Variants in CDA observed in about 807,000 individuals in gnomAD.
The protein encoded by CDA is cytidine deaminase.
A neutral mutation model predicts 15.0 loss-of-function variants in CDA; 7 were observed. That is an observed-to-expected ratio of 0.47 (90% CI 0.26 to 0.87). CDA has a LOEUF of 0.87. Ranked by LOEUF, CDA falls within the 40% of genes least tolerant of loss-of-function variation. The pLI is 0.15. For synonymous variants in CDA, 58 were observed against 73.0 expected, an observed-to-expected ratio of 0.79 and a Z score of 1.05; for missense variants, 159 against 182.7, an observed-to-expected ratio of 0.87 and a Z score of 0.75.
chr1:20,595,791 G>T (rs550805568), intron 1 of CDA, among the ~76,000 whole-genome samples: 1 of 141,486 alleles, frequency 7.1e-6, no homozygotes, highest in Non-Finnish European at 1.5e-5. Flanking sequence ...AATGAGCCGT[G>T]AGCACGCCAC....
At chr1:20,596,410 G>A (rs2052591931) in intron 1 of CDA, among the ~76,000 whole-genome samples, 1 of 152,050 alleles carries the variant, frequency 6.6e-6, no homozygotes, top group Non-Finnish European at 1.5e-5. Flanking sequence ...ACCCAGCCCA[G>A]ACCTATTGAA....
At chr1:20,616,693 C>T (rs1183993317) in intron 3 of CDA, among the ~76,000 whole-genome samples, 1 of 152,096 alleles carries the variant, frequency 6.6e-6, no homozygotes, top group African/African-American at 2.4e-5. Flanking sequence ...CTGAAGGAGG[C>T]AGGGGGGAAA....
chr1:20,599,616 C>CTAAAA (rs2052621519), intron 1 of CDA, among the ~76,000 whole-genome samples: 1 of 17,472 alleles, frequency 5.7e-5, no homozygotes, highest in Non-Finnish European at 1.3e-4. Context: ...GACTCCGTCT[C>CTAAAA]CAAAATAAAA....
chr1:20,599,693 G>T (rs2154532238), intron 1 of CDA, among the ~76,000 whole-genome samples: 1 of 109,854 alleles, frequency 9.1e-6, no homozygotes, highest in South Asian at 2.9e-4. Context: ...CAAAGTGCCT[G>T]AAGGACAGGG....
At chr1:20,612,727 G>T (rs1475246954) in intron 2 of CDA, among the ~76,000 whole-genome samples, 1 of 152,030 alleles carries the variant, frequency 6.6e-6, no homozygotes, top group Non-Finnish European at 1.5e-5. Flanking sequence ...GGCGGATCAT[G>T]AGGTCAGGAG....
chr1:20,604,919 T>C lies in CDA; in HGVS notation c.155-9T>C, dbSNP rs2052680520. On this transcript the variant is annotated splice_polypyrimidine_tract_variant and intron_variant, in intron 1 of 3. Transcript: ENST00000375071. ...CCAGACATACCACTGGACTCTGCTC[T>C]CTTCTCAGGGTGCAACATAGAAAAT... 1 of 1,586,342 alleles carries C rather than the reference T, an allele frequency of 6.3e-7. No homozygotes were observed. The highest frequency in any genetic ancestry group is 8.6e-7 in the Non-Finnish European group (1 of 1,156,806).
At position 20,617,981 on chromosome 1, in the gene CDA, G is replaced by A. The variant is rs138796458; in HGVS notation, c.325-471G>A. ...AAAAGTGCTGGGAGTACAGGCGTGCGCCACAACACCCGGCCTAAACCTCTT... is the reference window on the plus strand; with the variant it reads ...AAAAGTGCTGGGAGTACAGGCGTGCACCACAACACCCGGCCTAAACCTCTT... On this transcript the variant is annotated intron_variant, in intron 3 of 3. Transcript: ENST00000375071. Among the ~76,000 whole-genome samples the A allele has an allele frequency of 2.1e-3, 321 of 152,134 alleles. 1 individual carries two copies. The highest frequency in any genetic ancestry group is 3.4e-3 in the Non-Finnish European group (231 of 68,008).
chr1:20,592,124 C>G (rs1454604671), intron 1 of CDA, among the ~76,000 whole-genome samples: 1 of 152,104 alleles, frequency 6.6e-6, no homozygotes, highest in Non-Finnish European at 1.5e-5. Context: ...GCATGAGCCA[C>G]CGCACCCAGC....
At chr1:20,594,125 C>T (rs542629027) in intron 1 of CDA, among the ~76,000 whole-genome samples, 20 of 152,296 alleles carry the variant, frequency 1.3e-4, no homozygotes, top group Admixed American at 8.5e-4. Context: ...AACACAAGAC[C>T]GGCACAGGTG....
chr1:20,606,495 T>A (rs563851569), intron 2 of CDA, among the ~76,000 whole-genome samples: 9 of 152,206 alleles, frequency 5.9e-5, no homozygotes, highest in African/African-American at 1.4e-4. Context: ...AGAGTCTCAC[T>A]GCAGGGCTCA....
intron 1 of CDA, among the ~76,000 whole-genome samples, chr1:20,592,235 C>G (rs1301636186): frequency 6.6e-6 from 1 of 152,160 alleles, no homozygotes; most frequent in South Asian, 2.1e-4. Context: ...TGGCACGACA[C>G]GGCATGGCAG....
chr1:20,594,312 C>T (rs1312535698), intron 1 of CDA, among the ~76,000 whole-genome samples: 1 of 152,140 alleles, frequency 6.6e-6, no homozygotes, highest in Non-Finnish European at 1.5e-5. Context: ...TGATTAACAA[C>T]TACAGCAATT....
chr1:20,607,890 G>A (rs1000001457), intron 2 of CDA, among the ~76,000 whole-genome samples: 25 of 152,166 alleles, frequency 1.6e-4, no homozygotes, highest in African/African-American at 4.6e-4. Context: ...GGTCTTTAAG[G>A]ATGGAGACCG....
chr1:20,601,142 A>T (rs1339478621), intron 1 of CDA, among the ~76,000 whole-genome samples: 1 of 152,244 alleles, frequency 6.6e-6, no homozygotes, highest in Non-Finnish European at 1.5e-5. Flanking sequence ...GGCACTGGCC[A>T]GACTCCTTTC....
At position 20,605,876 on chromosome 1, in the gene CDA, C is replaced by T. The variant is rs543052468; in HGVS notation, c.266+837C>T. Reference sequence around the variant, plus strand: ...GAGAACAGTTTGGAAAGGTCTTCACCGGCAAGTAATTATCACAGTGTTGTA... The same window carrying T: ...GAGAACAGTTTGGAAAGGTCTTCACTGGCAAGTAATTATCACAGTGTTGTA... On this transcript the variant is annotated intron_variant, in intron 2 of 3. Transcript: ENST00000375071. 4.7e-4 allele frequency among the ~76,000 whole-genome samples: 59 copies of T among 124,872 alleles called. 7 individuals are homozygous for T. In the South Asian group the frequency reaches 5.1e-3, roughly 11 times the overall value. 81.9% of individuals were successfully genotyped at this position (124,872 alleles called of 152,430 possible).
rs147549243 is a variant in CDA at position 20,616,491 on chromosome 1, G to A, written c.325-1961G>A. Among the ~76,000 whole-genome samples the A allele has an allele frequency of 7.8e-4, 119 of 152,110 alleles. 1 individual carries two copies. In the East Asian group the frequency reaches 0.021, roughly 27 times the overall value. ...CACCGGGAAAGCAGTGAATTTACAC[G>A]GTGGAATTTGTCTCACTTGAGAGGG... On this transcript the variant is annotated intron_variant, in intron 3 of 3. Coordinates refer to ENST00000375071, the MANE Select transcript of CDA (RefSeq NM_001785.3).
chr1:20,599,617 C>CAAAATAAAATAAAAAAATAAAATAAAAT (rs2052621881), intron 1 of CDA, among the ~76,000 whole-genome samples: 6 of 107,998 alleles, frequency 5.6e-5, no homozygotes, highest in African/African-American at 1.9e-4. Flanking sequence ...ACTCCGTCTC[C>CAAAATAAAATAAAAAAATAAAATAAAAT]AAAATAAAAT....
intron 1 of CDA, among the ~76,000 whole-genome samples, chr1:20,604,366 C>T (rs1018904231): frequency 7.2e-5 from 11 of 152,158 alleles, no homozygotes; most frequent in Admixed American, 5.9e-4. Context: ...TGTCCTCATG[C>T]GGCAGATGGG....
chr1:20,593,230 C>T (rs1378224416), intron 1 of CDA, among the ~76,000 whole-genome samples: 4 of 152,142 alleles, frequency 2.6e-5, no homozygotes, highest in South Asian at 2.1e-4. Context: ...GTGCTGGGGA[C>T]GTGCTGGGCA....
Sources: gnomAD v4.1 joint callset for allele counts (sites outside exome capture counted in the v4.1 genomes callset) on GRCh38, gnomAD v4.1.1 for gene constraint, MANE v1.5 for transcripts, NCBI Gene and HGNC (gene_info 2026-07-23, HGNC 2026-07-21) for gene names.